The following AACS variants were observed in gnomAD, a reference collection of about 807,000 sequenced individuals.
AACS encodes the protein acetoacetate-CoA ligase.
In AACS, 69 loss-of-function variants were observed where a neutral mutation model predicts 83.1. The ratio of observed to expected loss-of-function variants is 0.83; its 90% CI spans 0.68 to 1.01. AACS has a LOEUF of 1.01. Among genes scored for constraint, AACS ranks in the 50% least tolerant of loss-of-function variants. The probability of loss-of-function intolerance (pLI) is 0.00; values close to 1 mark genes in which losing one functional copy is unlikely to be tolerated. For synonymous variants in AACS, 333 were observed against 343.4 expected, an observed-to-expected ratio of 0.97 and a Z score of 0.33; for missense variants, 866 against 882.2, an observed-to-expected ratio of 0.98 and a Z score of 0.23.
chr12:125,073,957 T>C lies in AACS; in HGVS notation c.215T>C (p.Val72Ala). The C allele has an allele frequency of 6.2e-7, 1 of 1,613,932 alleles. No individual in the cohort carries two copies. The highest frequency in any genetic ancestry group is 8.5e-7 in the Non-Finnish European group (1 of 1,179,800). The change falls in exon 2 of 18, where the codon GTC becomes GCC. Residue 72 changes from valine (V) to alanine (A), a missense_variant. Transcript: ENST00000316519. The stretch of plus-strand genomic sequence containing the variant: ...GAGTTCTGGAAATTCAGTGGAATTG[T>C]CTTCTCACGTGTGTATGATGAGGTA... ...WAEFWKFSGI[V>A]FSRVYDEVVD...
chr12:125,136,832 C>T lies in AACS; in HGVS notation c.1849C>T (p.Pro617Ser). The T allele has an allele frequency of 6.2e-7, 1 of 1,613,788 alleles. No individual in the cohort carries two copies. Among genetic ancestry groups the T allele is most frequent in the Non-Finnish European group, 8.5e-7 (1 of 1,180,036 alleles). ...IRMGLSARHVPSLILETKGIP... is the reference protein window; with the variant it reads ...IRMGLSARHVSSLILETKGIP... ...CATGGGCTTGTCTGCGCGACACGTG[C>T]CCAGCCTCATCCTGGAAACCAAGGG... Residue 617 changes from proline (P) to serine (S), a missense_variant, in exon 17 of 18, where the codon CCC becomes TCC. Transcript: ENST00000316519.
Position 125,076,763 on chromosome 12 carries a change from T to C in AACS, c.358+152T>C, listed in dbSNP as rs572464685. 6.6e-5 allele frequency: 86 copies of C among 1,296,364 alleles called. No individual in the cohort carries two copies. In the East Asian group the frequency reaches 2.0e-3, roughly 30 times the overall value. The allele number at this position is 1,296,364 out of a possible 1,614,324, so 80.3% of individuals were successfully genotyped here. On this transcript the variant is annotated intron_variant, in intron 3 of 17. Transcript: ENST00000316519. The stretch of plus-strand genomic sequence containing the variant: ...AGATTTCTGTCGACTTTATTTTTGC[T>C]GGGGAGGGGAAAGGGCCAGTGTGTG...
chr12:125,135,692 C>T (rs529110792), intron 16 of AACS: 1 of 152,402 alleles, frequency 6.6e-6, no homozygotes, highest in East Asian at 1.9e-4. Flanking sequence ...TGTCTGATTC[C>T]AGCCTTTTTT....
intron 5 of AACS, among the ~76,000 whole-genome samples, chr12:125,099,499 T>A (rs1314579568): frequency 6.6e-6 from 1 of 152,202 alleles, no homozygotes; most frequent in Non-Finnish European, 1.5e-5. Flanking sequence ...TGTAGTCAAG[T>A]GTGATTTCTA....
intron 3 of AACS, among the ~76,000 whole-genome samples, chr12:125,085,291 C>T (rs945522757): frequency 6.6e-6 from 1 of 152,262 alleles, no homozygotes; most frequent in Non-Finnish European, 1.5e-5. Context: ...CACGCACACG[C>T]ATGTTGCATC....
At chr12:125,093,255 G>A (rs934346535) in intron 5 of AACS, among the ~76,000 whole-genome samples, 4 of 152,240 alleles carry the variant, frequency 2.6e-5, no homozygotes, top group African/African-American at 9.6e-5. Flanking sequence ...GAGCTGGAGT[G>A]TAGCCTCCTC....
At chr12:125,116,950 C>T (rs541980507) in intron 9 of AACS, among the ~76,000 whole-genome samples, 1 of 149,542 alleles carries the variant, frequency 6.7e-6, no homozygotes, top group African/African-American at 2.5e-5. Context: ...TTCCCTTTGC[C>T]TTTCTTGTTT....
At chr12:125,116,679 A>G (rs1050117144) in intron 9 of AACS, among the ~76,000 whole-genome samples, 12 of 151,954 alleles carry the variant, frequency 7.9e-5, no homozygotes, top group African/African-American at 2.9e-4. Flanking sequence ...GTTGGCCAGG[A>G]TGGTCTCAAT....
At chr12:125,101,057 C>G (rs1956698803) in intron 5 of AACS, 1 of 152,216 alleles carries the variant, frequency 6.6e-6, no homozygotes, top group African/African-American at 2.4e-5. Context: ...TCTTGAACTG[C>G]TTGCATCAGG....
chr12:125,099,657 G>A (rs1299735751), intron 5 of AACS, among the ~76,000 whole-genome samples: 1 of 152,144 alleles, frequency 6.6e-6, no homozygotes, highest in African/African-American at 2.4e-5. Context: ...TGTTCTACAA[G>A]GGATAACTGG....
chr12:125,120,345 C>A (rs1957133301), intron 10 of AACS: 1 of 152,172 alleles, frequency 6.6e-6, no homozygotes, highest in Middle Eastern at 3.2e-3. Flanking sequence ...CAGAAACAAC[C>A]ATGCTCTGTC....
At position 125,065,565 on chromosome 12, in the gene AACS, C is replaced by T. The variant is rs902578697; in HGVS notation, c.-20C>T. ...CCTGGTCCCCAGCCCTCGTCGCAGC[C>T]CCGGCCGCCCGCCGCCGCCATGTCC... On this transcript the variant is annotated 5_prime_UTR_variant, in exon 1 of 18. Transcript: ENST00000316519. 6.6e-6 allele frequency: 10 copies of T among 1,504,348 alleles called. No individual in the cohort carries two copies. The highest frequency in any genetic ancestry group is 5.3e-6 in the Non-Finnish European group (6 of 1,126,836). The allele number at this position is 1,504,348 out of a possible 1,614,324, so 93.2% of individuals were successfully genotyped here.
rs759707618 is a variant in AACS at position 125,114,526 on chromosome 12, C to T, written c.965C>T (p.Thr322Ile). ...LKEHLLHGNM[T>I]SSDILLCYTT... ...GAGCACCTGCTGCACGGCAACATGA[C>T]CAGCAGTGACATCCTCCTGTGCTAC... The change falls in exon 9 of 18, where the codon ACC becomes ATC. Residue 322 changes from threonine (T) to isoleucine (I), a missense_variant. Thr to Ile is a moderately conservative substitution (Grantham distance 89, BLOSUM62 -1). Transcript: ENST00000316519. 1 of 1,613,514 alleles carries T rather than the reference C, an allele frequency of 6.2e-7. No individual in the cohort carries two copies. Among genetic ancestry groups the T allele is most frequent in the South Asian group, 1.1e-5 (1 of 91,044 alleles).
rs1418816671 is a variant in AACS at position 125,097,864 on chromosome 12, C to T, written c.571-4815C>T. Reference sequence around the variant, plus strand: ...CTTTCACTCCCTTCCCTACCGTTGGCTGTTCTTGCCGCCTCTCCACTGTCC... The same window carrying T: ...CTTTCACTCCCTTCCCTACCGTTGGTTGTTCTTGCCGCCTCTCCACTGTCC... On this transcript the variant is annotated intron_variant, in intron 5 of 17. Transcript: ENST00000316519. The surrounding 1 kb of genome is among the most constrained non-coding windows in gnomAD (Gnocchi z 4.3). Among the ~76,000 whole-genome samples the T allele has an allele frequency of 5.3e-5, 8 of 152,150 alleles. No individual in the cohort carries two copies. The highest frequency in any genetic ancestry group is 5.2e-4 in the Admixed American group (8 of 15,280).
At chr12:125,132,078 G>T (rs1957336865) in intron 14 of AACS, among the ~76,000 whole-genome samples, 1 of 152,150 alleles carries the variant, frequency 6.6e-6, no homozygotes, top group Admixed American at 6.5e-5. Flanking sequence ...TCAGTGCCTT[G>T]AAGAATGAGA....
intron 17 of AACS, chr12:125,141,003 C>T (rs1189903759): frequency 6.6e-6 from 1 of 152,232 alleles, no homozygotes; most frequent in African/African-American, 2.4e-5. Flanking sequence ...AGTAGCTAGG[C>T]ACTTCTGAAG....
At chr12:125,095,583 C>T (rs1365503024) in intron 5 of AACS, among the ~76,000 whole-genome samples, 6 of 152,216 alleles carry the variant, frequency 3.9e-5, no homozygotes, top group Non-Finnish European at 8.8e-5. Flanking sequence ...CTGGGCCCCA[C>T]TCCACCTGCC....
At chr12:125,118,832 A>T (rs1957104848) in intron 10 of AACS, 67 bp downstream of exon 10, 1 of 1,590,126 alleles carries the variant, frequency 6.3e-7, no homozygotes, top group Admixed American at 1.7e-5. Context: ...TTGGGATCAG[A>T]TGCAGAGCTG....
chr12:125,065,689 T>C lies in AACS; in HGVS notation c.105T>C (p.Ala35=). 2 of 1,542,078 alleles carry C rather than the reference T, an allele frequency of 1.3e-6. No individual in the cohort carries two copies. The highest frequency in any genetic ancestry group is 1.7e-6 in the Non-Finnish European group (2 of 1,143,320). ...CGCAGATGGACCGCTTCCGGGCGGC[T>C]GTGGGCGCCGCCTGCGGCCTGGCGC... is the stretch of plus-strand genomic sequence containing the variant. ...KNTQMDRFRA[A]VGAACGLALE... is the part of the protein sequence containing the mutation. Residue 35 remains alanine, a synonymous_variant, in exon 1 of 18, where the codon GCT becomes GCC. Coordinates refer to ENST00000316519, the MANE Select transcript of AACS (RefSeq NM_023928.5).
Sources: gnomAD v4.1 joint callset for allele counts (sites outside exome capture counted in the v4.1 genomes callset) on GRCh38, gnomAD v4.1.1 for gene constraint, Gnocchi (gnomAD v3.1) non-coding constraint, MANE v1.5 for transcripts, NCBI Gene and HGNC (gene_info 2026-07-23, HGNC 2026-07-21) for gene names.